The following FAM184A variants were observed in gnomAD, a reference collection of about 807,000 sequenced individuals.
FAM184A encodes the protein family with sequence similarity 184 member A.
Under a neutral mutation model 143.8 loss-of-function variants are expected in FAM184A, and 99 were observed. That is an observed-to-expected ratio of 0.69 (90% CI 0.58 to 0.81). FAM184A has a LOEUF of 0.81. FAM184A is among the 40% of genes least tolerant of loss of function. The pLI is 0.00. For synonymous variants in FAM184A, 427 were observed against 446.4 expected, an observed-to-expected ratio of 0.96 and a Z score of 0.55; for missense variants, 1,217 against 1,310.5, an observed-to-expected ratio of 0.93 and a Z score of 1.10.
chr6:119,006,425 T>A, intron 7 of FAM184A, 22 bp downstream of exon 7: 1 of 1,603,750 alleles, frequency 6.2e-7, no homozygotes. Flanking sequence ...CTGTTTAGAT[T>A]GCAGTAGAAT....
chr6:119,089,909 T>C (rs1353481298), intron 1 of FAM184A, among the ~76,000 whole-genome samples: 1 of 152,238 alleles, frequency 6.6e-6, no homozygotes, highest in East Asian at 1.9e-4. Flanking sequence ...CATCAACTGA[T>C]AATGATATTG....
Position 119,129,463 on chromosome 6 carries a change from T to C in FAM184A, c.-202+19615A>G, listed in dbSNP as rs554719622. Among the ~76,000 whole-genome samples the C allele has an allele frequency of 4.6e-5, 7 of 152,332 alleles. No individual in the cohort carries two copies. The East Asian group carries it at 1.4e-3, about 29-fold the overall frequency. ...TTCACTGAGATGCATGTTGCCTTTT[T>C]CTGAAAGCGTCTCATAATTAGTCTT... On this transcript the variant is annotated intron_variant, in intron 1 of 16. Transcript: ENST00000352896.
intron 9 of FAM184A, among the ~76,000 whole-genome samples, chr6:118,997,012 C>CTGCGGGATTA (rs11275691): frequency 6.6e-6 from 1 of 151,098 alleles, no homozygotes; most frequent in Non-Finnish European, 1.5e-5. Context: ...GCGTGAGCCA[C>CTGCGGGATTA]CAGACCCAAA....
chr6:119,092,685 A>AAT lies in FAM184A; in HGVS notation c.-202+56391_-202+56392dup, dbSNP rs150401844. On this transcript the variant is annotated intron_variant, in intron 1 of 16. Transcript: ENST00000352896. ...TCTTTGGGGGAAGAATTGGAGAGTT[A>AAT]ATATATATATATGTTTATGATGTGA... Among the ~76,000 whole-genome samples, 350 of 151,776 alleles carry AAT rather than the reference A, an allele frequency of 2.3e-3. 2 individuals are homozygous for AAT. The highest frequency in any genetic ancestry group is 9.8e-3 in the South Asian group (47 of 4,800).
intron 1 of FAM184A, among the ~76,000 whole-genome samples, chr6:119,144,171 C>CAA (rs55990833): frequency 0.64 from 91,668 of 144,174 alleles, 29,469 homozygotes; most frequent in Admixed American, 0.72. Context: ...ACTAAAAATA[C>CAA]AAAAAAAAAA....
chr6:119,010,224 T>C (rs1013741166), intron 6 of FAM184A, among the ~76,000 whole-genome samples: 2 of 152,242 alleles, frequency 1.3e-5, no homozygotes, highest in African/African-American at 4.8e-5. Context: ...CAATCCGTAG[T>C]TATCTGCTTA....
intron 14 of FAM184A, among the ~76,000 whole-genome samples, chr6:118,972,591 TC>T (rs1415415130): frequency 6.6e-6 from 1 of 152,156 alleles, no homozygotes; most frequent in Admixed American, 6.6e-5. Context: ...AAATACTAAT[TC>T]TTTGATTATT....
intron 1 of FAM184A, among the ~76,000 whole-genome samples, chr6:119,142,495 A>G (rs1171819081): frequency 6.6e-6 from 1 of 152,170 alleles, no homozygotes; most frequent in East Asian, 1.9e-4. Flanking sequence ...ACATTTAACA[A>G]CTCACAGTGA....
chr6:119,001,053 C>G (rs2114635396), intron 9 of FAM184A, among the ~76,000 whole-genome samples: 1 of 150,026 alleles, frequency 6.7e-6, no homozygotes, highest in East Asian at 2.0e-4. Flanking sequence ...GATCCAGAGC[C>G]AAGAAGGAAG....
At chr6:118,973,506 T>C (rs539563734) in intron 14 of FAM184A, among the ~76,000 whole-genome samples, 7 of 152,220 alleles carry the variant, frequency 4.6e-5, no homozygotes, top group Non-Finnish European at 8.8e-5. Context: ...ATTGGAGCTG[T>C]TAAGTTTACA....
chr6:119,143,556 T>C (rs601734), intron 1 of FAM184A, among the ~76,000 whole-genome samples: 2,689 of 152,276 alleles, frequency 0.018, 75 homozygotes, highest in African/African-American at 0.061. Context: ...GTGGAAACAA[T>C]CGAAGTATCC....
intron 14 of FAM184A, among the ~76,000 whole-genome samples, chr6:118,969,993 A>ATAAAATATGT (rs1189865476): frequency 5.3e-4 from 13 of 24,370 alleles, no homozygotes; most frequent in Non-Finnish European, 9.3e-4. Flanking sequence ...ATATATATAT[A>ATAAAATATGT]ATATATATAT....
At chr6:118,970,552 A>C (rs1245533200) in intron 14 of FAM184A, among the ~76,000 whole-genome samples, 1 of 152,168 alleles carries the variant, frequency 6.6e-6, no homozygotes, top group Non-Finnish European at 1.5e-5. Context: ...AAAATAAGTC[A>C]ATTAAAAATA....
chr6:119,041,452 G>A (rs1420399359), intron 1 of FAM184A, among the ~76,000 whole-genome samples: 1 of 152,176 alleles, frequency 6.6e-6, no homozygotes, highest in Non-Finnish European at 1.5e-5. Flanking sequence ...AAAACAGTAA[G>A]TAAAGAAATA....
At chr6:118,984,520 A>G (rs200643821) in intron 9 of FAM184A, among the ~76,000 whole-genome samples, 2,839 of 68,232 alleles carry the variant, frequency 0.042, 98 homozygotes, top group African/African-American at 0.1. Context: ...GTACCTCTAT[A>G]ATGGTGTTTG....
At chr6:118,984,728 G>A (rs1784137926) in intron 9 of FAM184A, among the ~76,000 whole-genome samples, 1 of 152,172 alleles carries the variant, frequency 6.6e-6, no homozygotes. Context: ...GTATACAAAT[G>A]ATGTGTTCTC....
intron 1 of FAM184A, among the ~76,000 whole-genome samples, chr6:119,143,505 T>C (rs924375251): frequency 2.6e-5 from 4 of 152,228 alleles, no homozygotes; most frequent in Non-Finnish European, 4.4e-5. Flanking sequence ...AAGAGATATT[T>C]GTGCACTCGT....
intron 1 of FAM184A, among the ~76,000 whole-genome samples, chr6:119,029,891 G>A (rs1242548781): frequency 6.6e-6 from 1 of 152,110 alleles, no homozygotes; most frequent in East Asian, 1.9e-4. Context: ...TTCCCACTAT[G>A]ACAGCAAAGT....
Position 119,078,041 on chromosome 6 carries a change from C to A in FAM184A, c.159+100G>T, listed in dbSNP as rs1787934321. ...TTGCTTCGGCGGAGGAGTAGAGTTC[C>A]CCTCGCTGCGGGCGCAGGGCGCACT... On this transcript the variant is annotated intron_variant, in intron 1 of 17. Transcript: ENST00000338891. The surrounding 1 kb of genome is among the most constrained non-coding windows in gnomAD (Gnocchi z 5.5). The A allele has an allele frequency of 1.5e-6, 2 of 1,366,458 alleles. No homozygotes were observed. The highest frequency in any genetic ancestry group is 2.3e-5 in the Admixed American group (1 of 44,112). The allele number at this position is 1,366,458 out of a possible 1,614,324, so 84.6% of individuals were successfully genotyped here.
Sources: allele counts gnomAD v4.1 joint callset (sites outside exome capture counted in the v4.1 genomes callset), GRCh38; gene constraint gnomAD v4.1.1; non-coding constraint Gnocchi (gnomAD v3.1); transcripts MANE v1.5; gene names NCBI Gene and HGNC (gene_info 2026-07-23, HGNC 2026-07-21).